ADGRF1: variants seen among roughly 807,000 people sequenced by gnomAD.
ADGRF1 encodes the protein G protein-coupled receptor 110.
In ADGRF1, 85 loss-of-function variants were observed where a neutral mutation model predicts 87.2. The observed-to-expected ratio is 0.97, with a 90% CI of 0.82 to 1.17. The LOEUF is 1.17. Among genes scored for constraint, ADGRF1 ranks in the 50% most tolerant of loss-of-function variants. The pLI, the probability that ADGRF1 is intolerant of heterozygous loss-of-function variation, is 0.00. For synonymous variants in ADGRF1, 430 were observed against 408.8 expected, an observed-to-expected ratio of 1.05 and a Z score of -0.63; for missense variants, 1,169 against 1,077.2, an observed-to-expected ratio of 1.09 and a Z score of -1.19.
chr6:47,000,779 C>T (rs1332534083), intron 14 of ADGRF1, among the ~76,000 whole-genome samples: 2 of 152,148 alleles, frequency 1.3e-5, no homozygotes, highest in Non-Finnish European at 2.9e-5. Flanking sequence ...AATGAGTTTC[C>T]TACATTAATG....
intron 1 of ADGRF1, among the ~76,000 whole-genome samples, chr6:47,031,616 G>C (rs1780435464): frequency 6.6e-6 from 1 of 152,182 alleles, no homozygotes; most frequent in Admixed American, 6.5e-5. Context: ...AGGGAGGGAA[G>C]AGAAGGAAAG....
chr6:47,031,059 G>A (rs181702562), intron 1 of ADGRF1, among the ~76,000 whole-genome samples: 3 of 152,018 alleles, frequency 2.0e-5, no homozygotes, highest in Non-Finnish European at 2.9e-5. Context: ...CACCATGCCC[G>A]GCCACTTTTT....
chr6:47,025,972 C>A lies in ADGRF1; in HGVS notation c.159G>T (p.Gln53His), dbSNP rs923045719. 2 of 1,607,336 alleles carry A rather than the reference C, an allele frequency of 1.2e-6. No homozygotes were observed. Among genetic ancestry groups the A allele is most frequent in the Non-Finnish European group, 8.5e-7 (1 of 1,176,780 alleles). ...TCTCCTTGGAATCTCTATAGGTCAC[C>A]TGAAGCAGCAGCTGATATTCTTCGA... is the stretch of plus-strand genomic sequence containing the variant. ...GPVEEYQLLL[Q>H]VTYRDSKEKR... Residue 53 changes from glutamine (Q) to histidine (H), a missense_variant, in exon 4 of 15, where the codon CAG becomes CAT. Coordinates refer to ENST00000371253, the MANE Select transcript of ADGRF1 (RefSeq NM_153840.4).
intron 7 of ADGRF1, 64 bp downstream of exon 7, chr6:47,020,667 C>G (rs761338877): frequency 2.6e-5 from 41 of 1,595,652 alleles, no homozygotes; most frequent in Non-Finnish European, 3.4e-5. Context: ...AAACAGCACT[C>G]TGCCTTTTGC....
At chr6:47,006,478 G>T (rs190454145) in intron 12 of ADGRF1, among the ~76,000 whole-genome samples, 1 of 151,910 alleles carries the variant, frequency 6.6e-6, no homozygotes. Context: ...TTTAATGTGA[G>T]AGGCTATTTA....
chr6:47,034,548 G>A (rs1480790079), intron 1 of ADGRF1, among the ~76,000 whole-genome samples: 1 of 152,212 alleles, frequency 6.6e-6, no homozygotes, highest in Non-Finnish European at 1.5e-5. Flanking sequence ...TGCTAAACTT[G>A]CATTTGTTCA....
chr6:47,032,918 T>C (rs1780472546), intron 1 of ADGRF1, among the ~76,000 whole-genome samples: 1 of 152,190 alleles, frequency 6.6e-6, no homozygotes, highest in Admixed American at 6.5e-5. Context: ...CAAAGGAAGG[T>C]CCACAGCAGC....
intron 7 of ADGRF1, chr6:47,019,960 C>T: frequency 1.0e-6 from 1 of 986,340 alleles, no homozygotes; most frequent in Non-Finnish European, 1.2e-6. Flanking sequence ...TACATGTTAT[C>T]TGTGCAAAGA....
At chr6:47,021,306 A>G (rs1780042233) in intron 6 of ADGRF1, among the ~76,000 whole-genome samples, 1 of 152,176 alleles carries the variant, frequency 6.6e-6, no homozygotes, top group African/African-American at 2.4e-5. Flanking sequence ...GCCTCTAACA[A>G]CAGAGTTTTC....
intron 11 of ADGRF1, 145 bp downstream of exon 11, chr6:47,008,800 T>G: frequency 1.5e-6 from 1 of 680,380 alleles, no homozygotes; most frequent in Non-Finnish European, 2.5e-6. Context: ...AATATTTTTT[T>G]CTATTTATTG....
chr6:47,007,235 A>T lies in ADGRF1; in HGVS notation c.2532+18T>A, dbSNP rs1461633583. ...GATGTCTAGGCTAGGGGTTAATGAG[A>T]GAAATAAATACACATACCTTACTGT... On this transcript the variant is annotated intron_variant, in intron 12 of 14. Transcript: ENST00000371253. The T allele has an allele frequency of 1.3e-6, 2 of 1,520,444 alleles. No homozygotes were observed. Among genetic ancestry groups the T allele is most frequent in the East Asian group, 4.5e-5 (2 of 43,982 alleles). 94.2% of individuals were successfully genotyped at this position (1,520,444 alleles called of 1,614,324 possible).
At chr6:47,004,772 A>G (rs1165799631) in intron 13 of ADGRF1, among the ~76,000 whole-genome samples, 4 of 152,234 alleles carry the variant, frequency 2.6e-5, no homozygotes, top group East Asian at 3.8e-4. Context: ...TCTGCTTTGA[A>G]TAACTAGTCC....
At chr6:47,014,892 G>C (rs73480729) in intron 8 of ADGRF1, 48 bp from the exon 9 acceptor site, 2 of 1,545,164 alleles carry the variant, frequency 1.3e-6, no homozygotes, top group Non-Finnish European at 1.7e-6. Flanking sequence ...AGAATATCCT[G>C]GCACTCTATA....
In ADGRF1 at chr6:47,007,306, A is replaced by G; in HGVS notation, c.2491-12T>C. ...AAGATAAAAAATCCCTTTAAAAAGA[A>G]AGGAATAAATCACATGTATTGTATT... On this transcript the variant is annotated splice_polypyrimidine_tract_variant and intron_variant, in intron 11 of 14. Coordinates refer to ENST00000371253, the MANE Select transcript of ADGRF1 (RefSeq NM_153840.4). The G allele has an allele frequency of 6.8e-7, 1 of 1,463,218 alleles. No homozygotes were observed. The highest frequency in any genetic ancestry group is 9.6e-7 in the Non-Finnish European group (1 of 1,045,330). The allele number at this position is 1,463,218 out of a possible 1,614,324, so 90.6% of individuals were successfully genotyped here. A position where few individuals can be genotyped will look rare whatever the true frequency, so the allele number is the denominator to read the frequency against.
At chr6:47,008,793 A>AT (rs914617603) in intron 11 of ADGRF1, 152 bp downstream of exon 11, 5 of 655,476 alleles carry the variant, frequency 7.6e-6, no homozygotes, top group Middle Eastern at 4.4e-4. Flanking sequence ...TAAGAAAAAT[A>AT]TTTTTTTCTA....
chr6:47,017,806 T>A (rs1385995002), intron 7 of ADGRF1: 1 of 152,124 alleles, frequency 6.6e-6, no homozygotes, highest in Admixed American at 6.6e-5. Flanking sequence ...GGGGATGGCA[T>A]GGAAAGAGGC....
intron 13 of ADGRF1, among the ~76,000 whole-genome samples, chr6:47,002,876 G>A (rs1779398913): frequency 6.6e-6 from 1 of 152,084 alleles, no homozygotes; most frequent in Admixed American, 6.6e-5. Flanking sequence ...TGAGACTATT[G>A]CTGGCTCTTC....
intron 7 of ADGRF1, chr6:47,018,530 T>A: frequency 7.8e-7 from 1 of 1,289,718 alleles, no homozygotes. Context: ...TTCCTGCTTG[T>A]TATAGGTTTG....
At chr6:47,039,701 C>T (rs1237605465) in intron 1 of ADGRF1, among the ~76,000 whole-genome samples, 2 of 152,240 alleles carry the variant, frequency 1.3e-5, no homozygotes, top group Non-Finnish European at 2.9e-5. Context: ...GTGGCTCACG[C>T]CTGTAATCCC....
Sources: gnomAD v4.1 joint callset for allele counts (sites outside exome capture counted in the v4.1 genomes callset) on GRCh38, gnomAD v4.1.1 for gene constraint, MANE v1.5 for transcripts, NCBI Gene and HGNC (gene_info 2026-07-23, HGNC 2026-07-21) for gene names.